The following DPP8 variants were observed in gnomAD, a reference collection of about 807,000 sequenced individuals.
The protein encoded by DPP8 is dipeptidyl peptidase 8.
A neutral mutation model predicts 107.5 loss-of-function variants in DPP8; 31 were observed. The ratio of observed to expected loss-of-function variants is 0.29; its 90% CI spans 0.22 to 0.39. The LOEUF (loss-of-function observed/expected upper bound fraction) is 0.39, where lower values mean the gene tolerates loss of function less well. Among genes scored for constraint, DPP8 ranks in the 10% least tolerant of loss-of-function variants. The pLI is 1.00. For missense variants in DPP8, 842 were observed against 1,076.1 expected, an observed-to-expected ratio of 0.78 and a Z score of 3.04; for synonymous variants, 381 against 356.6, an observed-to-expected ratio of 1.07 and a Z score of -0.77.
At chr15:65,514,131 C>T (rs117680650) in intron 1 of DPP8, among the ~76,000 whole-genome samples, 4,336 of 152,298 alleles carry the variant, frequency 0.028, 78 homozygotes, top group Middle Eastern at 0.051. Flanking sequence ...GTCCATTAAG[C>T]ACACGTTACT....
At chr15:65,488,603 C>CAAAAAAAA (rs1166493197) in intron 6 of DPP8, among the ~76,000 whole-genome samples, 33 of 45,270 alleles carry the variant, frequency 7.3e-4, no homozygotes, top group African/African-American at 2.5e-3. Flanking sequence ...GACCCTGCCT[C>CAAAAAAAA]AAAAAAAAAA....
At chr15:65,467,986 T>G (rs971260267) in intron 12 of DPP8, among the ~76,000 whole-genome samples, 2 of 152,190 alleles carry the variant, frequency 1.3e-5, no homozygotes, top group Non-Finnish European at 2.9e-5. Flanking sequence ...TCTATTGGGT[T>G]GTGGAATAAC....
At chr15:65,461,124 T>C (rs905232381) in intron 15 of DPP8, among the ~76,000 whole-genome samples, 14 of 152,224 alleles carry the variant, frequency 9.2e-5, no homozygotes, top group African/African-American at 3.1e-4. Context: ...CTCTTTAAAC[T>C]TAATTACTCA....
At chr15:65,502,661 G>A (rs996992902) in intron 3 of DPP8, 3 of 150,096 alleles carry the variant, frequency 2.0e-5, no homozygotes, top group African/African-American at 7.3e-5. Flanking sequence ...CTGGGCAACA[G>A]AGCAAGAAAG....
intron 15 of DPP8, among the ~76,000 whole-genome samples, chr15:65,457,629 G>A (rs1402448778): frequency 6.6e-6 from 1 of 152,150 alleles, no homozygotes; most frequent in African/African-American, 2.4e-5. Flanking sequence ...ATATTAGTCT[G>A]ACATGTTCAC....
At chr15:65,455,663 C>G in intron 16 of DPP8, 2 of 1,186,866 alleles carry the variant, frequency 1.7e-6, no homozygotes, top group Admixed American at 7.7e-5. Context: ...CATGAGAATA[C>G]AACATAAGGT....
intron 3 of DPP8, among the ~76,000 whole-genome samples, chr15:65,501,298 A>T (rs1263183295): frequency 6.6e-6 from 1 of 152,166 alleles, no homozygotes; most frequent in Non-Finnish European, 1.5e-5. Context: ...AAGATTTCCT[A>T]GTAAAGAGTC....
chr15:65,493,425 A>G (rs1292287464), intron 5 of DPP8, among the ~76,000 whole-genome samples: 4 of 152,156 alleles, frequency 2.6e-5, no homozygotes, highest in Non-Finnish European at 4.4e-5. Flanking sequence ...ACATTATGTA[A>G]TATCTCCAGC....
At chr15:65,466,648 A>G (rs1358735370) in intron 14 of DPP8, 30 bp downstream of exon 14, 2 of 1,594,178 alleles carry the variant, frequency 1.3e-6, no homozygotes, top group Non-Finnish European at 1.7e-6. Context: ...AATCCTACTT[A>G]ACGTCAGGAT....
At chr15:65,480,785 G>T (rs931168127) in intron 9 of DPP8, among the ~76,000 whole-genome samples, 4 of 152,094 alleles carry the variant, frequency 2.6e-5, no homozygotes, top group African/African-American at 4.8e-5. Flanking sequence ...GTGACACAGA[G>T]AGAGACCCTG....
At position 65,490,276 on chromosome 15, in the gene DPP8, C is replaced by T. The variant is rs1160380000; in HGVS notation, c.739G>A (p.Ala247Thr). The T allele has an allele frequency of 2.2e-5, 36 of 1,612,306 alleles. No homozygotes were observed. Among genetic ancestry groups the T allele is most frequent in the Non-Finnish European group, 3.1e-5 (36 of 1,178,448 alleles). ...HNELANMEED[A>T]RSAGVATFVL... ...AAGGTAGCGACTCCAGCTGATCTGG[C>T]ATCTTCTTCCATGTTGGCTAGCTCT... is the stretch of plus-strand genomic sequence containing the variant. Residue 247 changes from alanine to threonine, a missense_variant, in exon 6 of 20, where the codon GCC becomes ACC. By Grantham distance (58) the Ala-to-Thr change is moderately conservative (BLOSUM62 0). Transcript: ENST00000300141.
intron 15 of DPP8, among the ~76,000 whole-genome samples, chr15:65,457,189 T>C (rs2064503226): frequency 6.6e-6 from 1 of 152,104 alleles, no homozygotes; most frequent in Non-Finnish European, 1.5e-5. Flanking sequence ...ACCCCGTCTC[T>C]ACCAAAAACA....
chr15:65,479,169 A>G (rs2066673140), intron 10 of DPP8, 130 bp from the exon 11 acceptor site: 2 of 578,174 alleles, frequency 3.5e-6, no homozygotes, highest in East Asian at 3.6e-5. Context: ...AAGGAATGCT[A>G]TATTTACAGT....
At chr15:65,517,071 C>T (rs193118224) in intron 1 of DPP8, 1 of 152,938 alleles carries the variant, frequency 6.5e-6, no homozygotes, top group Non-Finnish European at 1.5e-5. Context: ...ACCAGAAAAT[C>T]TGAGGCCGAA....
At chr15:65,466,057 C>T (rs2065321143) in intron 14 of DPP8, among the ~76,000 whole-genome samples, 1 of 152,140 alleles carries the variant, frequency 6.6e-6, no homozygotes, top group Admixed American at 6.6e-5. Context: ...TACTATTCTC[C>T]TCAAGTTCAT....
In DPP8 at chr15:65,446,967, A is replaced by T; in HGVS notation, c.2566T>A (p.Ser856Thr). The change falls in exon 20 of 20, where the codon TCG becomes ACG. Residue 856 changes from serine to threonine, a missense_variant. Ser to Thr is a moderately conservative substitution (Grantham distance 58, BLOSUM62 1). Transcript: ENST00000300141. ...AGATGCAGTTCATAATGTTCTCCCG[A>T]TTCAGGAACTCTTATGCTGTGTCTC... ...QERHSIRVPESGEHYELHLLH... is the reference protein window; with the variant it reads ...QERHSIRVPETGEHYELHLLH... 6.2e-7 allele frequency: 1 copy of T among 1,612,066 alleles called. No individual in the cohort carries two copies. The highest frequency in any genetic ancestry group is 8.5e-7 in the Non-Finnish European group (1 of 1,178,766).
chr15:65,499,105 G>GTGTGTGTGTGTGTTTGTGTGTGTATA (rs1555468189), intron 4 of DPP8, among the ~76,000 whole-genome samples: 1 of 138,742 alleles, frequency 7.2e-6, no homozygotes, highest in African/African-American at 2.7e-5. Context: ...GTGTGTGTGT[G>GTGTGTGTGTGTGTTTGTGTGTGTATA]TATATATAAA....
intron 15 of DPP8, among the ~76,000 whole-genome samples, chr15:65,461,253 T>TC (rs2064895473): frequency 6.6e-6 from 1 of 152,096 alleles, no homozygotes; most frequent in African/African-American, 2.4e-5. Context: ...CAGGGGATCC[T>TC]CCTGCCTCAG....
intron 12 of DPP8, among the ~76,000 whole-genome samples, chr15:65,468,318 G>A (rs1033738772): frequency 1.3e-5 from 2 of 151,976 alleles, no homozygotes; most frequent in Non-Finnish European, 2.9e-5. Context: ...AAAATAGGGA[G>A]ACCCCATTTC....
Sources: allele counts gnomAD v4.1 joint callset (sites outside exome capture counted in the v4.1 genomes callset), GRCh38; gene constraint gnomAD v4.1.1; transcripts MANE v1.5; gene names NCBI Gene and HGNC (gene_info 2026-07-23, HGNC 2026-07-21).